The following PTGFR variants were observed in gnomAD, a reference collection of about 807,000 sequenced individuals.
The protein encoded by PTGFR is prostaglandin F2-alpha receptor.
A neutral mutation model predicts 26.2 loss-of-function variants in PTGFR; 15 were observed. That is an observed-to-expected ratio of 0.57 (90% CI 0.38 to 0.88). PTGFR has a LOEUF of 0.88. PTGFR is among the 40% of genes least tolerant of loss of function. The pLI is 0.00. For missense variants in PTGFR, 369 were observed against 427.2 expected, an observed-to-expected ratio of 0.86 and a Z score of 1.20; for synonymous variants, 165 against 151.1, an observed-to-expected ratio of 1.09 and a Z score of -0.68.
At position 78,501,060 on chromosome 1, in the gene PTGFR, G is replaced by T. The variant is rs551791909; in HGVS notation, c.798+7519G>T. ...TGCCCAAAGATATCATAGACATCGA[G>T]ACGACACTTACAAAACATTACTTGA... is the stretch of plus-strand genomic sequence containing the variant. On this transcript the variant is annotated intron_variant, in intron 2 of 2. Coordinates refer to ENST00000370757, the MANE Select transcript of PTGFR (RefSeq NM_000959.4). 5.0e-4 allele frequency among the ~76,000 whole-genome samples: 76 copies of T among 151,892 alleles called. 1 individual carries two copies. Among genetic ancestry groups the T allele is most frequent in the African/African-American group, 1.7e-3 (72 of 41,424 alleles).
chr1:78,501,739 T>C (rs1056739338), intron 2 of PTGFR, among the ~76,000 whole-genome samples: 2 of 152,160 alleles, frequency 1.3e-5, no homozygotes. Context: ...ATTCAGAGTA[T>C]AGGCGGGGAG....
chr1:78,495,415 T>C (rs1255827470), intron 2 of PTGFR, among the ~76,000 whole-genome samples: 5 of 152,228 alleles, frequency 3.3e-5, no homozygotes, highest in Non-Finnish European at 7.3e-5. Context: ...TGAAGTAAAG[T>C]AGCTTTTAAA....
At chr1:78,500,880 CAATCCATTTTTA>C (rs1160247881) in intron 2 of PTGFR, among the ~76,000 whole-genome samples, 4 of 152,142 alleles carry the variant, frequency 2.6e-5, no homozygotes, top group Non-Finnish European at 5.9e-5. Context: ...TGGCAAATGT[CAATCCATTTTTA>C]AAAGACATTG....
chr1:78,514,831 T>C (rs1650056139), intron 2 of PTGFR, among the ~76,000 whole-genome samples: 1 of 152,094 alleles, frequency 6.6e-6, no homozygotes, highest in Non-Finnish European at 1.5e-5. Flanking sequence ...GTTCATAAGA[T>C]ATCCGGTTGT....
Position 78,540,479 on chromosome 1 carries a change from C to G in PTGFR, c.*3792C>G, listed in dbSNP as rs1049902169. ...GGCATAGAAACATTTAGGACTCACT[C>G]TTTGTAAGTACTGACAAGCATGGTC... On this transcript the variant is annotated 3_prime_UTR_variant, in exon 3 of 3. Transcript: ENST00000370757. 1.3e-5 allele frequency among the ~76,000 whole-genome samples: 2 copies of G among 152,022 alleles called. No homozygotes were observed. The highest frequency in any genetic ancestry group is 4.8e-5 in the African/African-American group (2 of 41,412).
In PTGFR at chr1:78,540,541, A is replaced by G. The variant is rs1650771465; in HGVS notation, c.*3854A>G. On this transcript the variant is annotated 3_prime_UTR_variant, in exon 3 of 3. Coordinates refer to ENST00000370757, the MANE Select transcript of PTGFR (RefSeq NM_000959.4). ...AAAGATAAGGTAGAATAAATGAACTAAAAGAAATTTTAGATGACTAAAAGG... is the reference window on the plus strand; with the variant it reads ...AAAGATAAGGTAGAATAAATGAACTGAAAGAAATTTTAGATGACTAAAAGG... Among the ~76,000 whole-genome samples the G allele has an allele frequency of 1.3e-5, 2 of 152,148 alleles. No individual in the cohort carries two copies. The highest frequency in any genetic ancestry group is 2.9e-5 in the Non-Finnish European group (2 of 68,008).
chr1:78,539,751 T>C lies in PTGFR; in HGVS notation c.*3064T>C, dbSNP rs1650749948. 6.6e-6 allele frequency: 1 copy of C among 152,586 alleles called. No individual in the cohort carries two copies. The highest frequency in any genetic ancestry group is 2.1e-4 in the South Asian group (1 of 4,832). The allele number at this position is 152,586 out of a possible 1,614,324, so 9.5% of individuals were successfully genotyped here. A position where few individuals can be genotyped will look rare whatever the true frequency, so the allele number is the denominator to read the frequency against. On this transcript the variant is annotated 3_prime_UTR_variant, in exon 3 of 3. Transcript: ENST00000370757. ...TTATAATAAAGTTGGACTAATGTTTTTCAAGAGTGATTATTTTTAGAAGGA... is the reference window on the plus strand; with the variant it reads ...TTATAATAAAGTTGGACTAATGTTTCTCAAGAGTGATTATTTTTAGAAGGA...
intron 2 of PTGFR, among the ~76,000 whole-genome samples, chr1:78,526,718 G>A (rs1650383374): frequency 1.3e-5 from 2 of 152,074 alleles, no homozygotes; most frequent in Non-Finnish European, 2.9e-5. Context: ...GCATGACAAG[G>A]AAATACTCAA....
chr1:78,537,565 G>T lies in PTGFR; in HGVS notation c.*878G>T, dbSNP rs1019053702. On this transcript the variant is annotated 3_prime_UTR_variant, in exon 3 of 3. Coordinates refer to ENST00000370757, the MANE Select transcript of PTGFR (RefSeq NM_000959.4). ...ATAGGTGCAAAGAATATTGGCAAAA[G>T]GTGCTTTACCTTGAGCCATTATTTG... The T allele has an allele frequency of 6.6e-6, 1 of 152,050 alleles. No individual in the cohort carries two copies. The highest frequency in any genetic ancestry group is 2.4e-5 in the African/African-American group (1 of 41,424). The allele number at this position is 152,050 out of a possible 1,614,324, so 9.4% of individuals were successfully genotyped here.
At chr1:78,534,590 C>A (rs553186639) in intron 2 of PTGFR, among the ~76,000 whole-genome samples, 1 of 152,018 alleles carries the variant, frequency 6.6e-6, no homozygotes, top group Non-Finnish European at 1.5e-5. Flanking sequence ...TTGAGACAAA[C>A]AAAATGAGGA....
chr1:78,525,867 A>G (rs556817), intron 2 of PTGFR, among the ~76,000 whole-genome samples: 15,906 of 152,124 alleles, frequency 0.1, 1,955 homozygotes, highest in East Asian at 0.3. Flanking sequence ...ACCAGGGACA[A>G]TGACCAGTCA....
intron 2 of PTGFR, 78 bp from the exon 3 acceptor site, chr1:78,536,328 C>G (rs1011210734): frequency 7.2e-7 from 1 of 1,383,496 alleles, no homozygotes; most frequent in South Asian, 1.4e-5. Context: ...TGAATGTCAT[C>G]TAGCATAGCT....
intron 2 of PTGFR, among the ~76,000 whole-genome samples, chr1:78,499,281 C>T (rs1208568079): frequency 1.3e-5 from 2 of 152,198 alleles, no homozygotes; most frequent in South Asian, 2.1e-4. Context: ...TTCTCTTTTC[C>T]TCTCTTCCTT....
chr1:78,499,891 A>G (rs1377328038), intron 2 of PTGFR, among the ~76,000 whole-genome samples: 3 of 152,242 alleles, frequency 2.0e-5, no homozygotes, highest in Non-Finnish European at 2.9e-5. Context: ...AATTTCAAAT[A>G]TAATGAGCCA....
chr1:78,527,977 G>A (rs1650411676), intron 2 of PTGFR, among the ~76,000 whole-genome samples: 2 of 152,162 alleles, frequency 1.3e-5, no homozygotes, highest in South Asian at 4.1e-4. Context: ...TGAAGGATGA[G>A]TAATACACAG....
At chr1:78,512,351 A>T (rs1185750600) in intron 2 of PTGFR, among the ~76,000 whole-genome samples, 1 of 152,194 alleles carries the variant, frequency 6.6e-6, no homozygotes, top group Non-Finnish European at 1.5e-5. Flanking sequence ...GAATTGGCTC[A>T]TGGTTCTGTA....
At position 78,530,139 on chromosome 1, in the gene PTGFR, G is replaced by A. The variant is rs185871432; in HGVS notation, c.799-6267G>A. On this transcript the variant is annotated intron_variant, in intron 2 of 2. Transcript: ENST00000370757. ...GAAGAAGGAAGATAAAAGGTACTGA[G>A]CATTGTTTTATTCCATCTATCACTA... Among the ~76,000 whole-genome samples, 3 of 152,268 alleles carry A rather than the reference G, an allele frequency of 2.0e-5. No homozygotes were observed. The East Asian group carries it at 5.8e-4, about 29-fold the overall frequency.
At chr1:78,527,230 A>G (rs1570295863) in intron 2 of PTGFR, among the ~76,000 whole-genome samples, 1 of 152,182 alleles carries the variant, frequency 6.6e-6, no homozygotes, top group East Asian at 1.9e-4. Flanking sequence ...TTTTTATTTA[A>G]AAGTTGGATT....
chr1:78,526,187 C>T (rs571164153), intron 2 of PTGFR, among the ~76,000 whole-genome samples: 1 of 152,110 alleles, frequency 6.6e-6, no homozygotes, highest in East Asian at 1.9e-4. Context: ...ATTGCTAGAT[C>T]TTTATTTTAA....
Sources: gnomAD v4.1 joint callset for allele counts (sites outside exome capture counted in the v4.1 genomes callset) on GRCh38, gnomAD v4.1.1 for gene constraint, MANE v1.5 for transcripts, NCBI Gene and HGNC (gene_info 2026-07-23, HGNC 2026-07-21) for gene names.